The following TTC17 variants were observed in gnomAD, a reference collection of about 807,000 sequenced individuals.
The protein encoded by TTC17 is tetratricopeptide repeat domain 17.
TTC17 carries 58 observed loss-of-function variants against 143.8 expected under a neutral mutation model. The ratio of observed to expected loss-of-function variants is 0.40; its 90% confidence interval spans 0.33 to 0.50. The LOEUF is 0.50. TTC17 is among the 20% of genes least tolerant of loss of function. The pLI, the probability that TTC17 is intolerant of heterozygous loss-of-function variation, is 0.49. For synonymous variants in TTC17, 501 were observed against 497.8 expected, an observed-to-expected ratio of 1.01 and a Z score of -0.09; for missense variants, 1,273 against 1,392.5, an observed-to-expected ratio of 0.91 and a Z score of 1.37.
chr11:43,384,491 A>G (rs1384314216), intron 2 of TTC17, among the ~76,000 whole-genome samples: 1 of 152,142 alleles, frequency 6.6e-6, no homozygotes. Context: ...TGCTGTTTCT[A>G]CCAAAAATAG....
intron 2 of TTC17, among the ~76,000 whole-genome samples, chr11:43,384,335 A>G (rs904421850): frequency 6.6e-6 from 1 of 152,162 alleles, no homozygotes; most frequent in Non-Finnish European, 1.5e-5. Flanking sequence ...ATTTAGGAAT[A>G]TGGTTTCTTG....
At chr11:43,405,182 A>T (rs532825391) in intron 11 of TTC17, among the ~76,000 whole-genome samples, 2 of 150,852 alleles carry the variant, frequency 1.3e-5, no homozygotes, top group African/African-American at 4.9e-5. Context: ...GACAGCCAGC[A>T]GCAACTGGAA....
chr11:43,412,266 T>G (rs1441168918), intron 15 of TTC17, among the ~76,000 whole-genome samples: 1 of 152,092 alleles, frequency 6.6e-6, no homozygotes, highest in Non-Finnish European at 1.5e-5. Context: ...GGAGGATCGC[T>G]TGAGCCTAGG....
intron 15 of TTC17, among the ~76,000 whole-genome samples, chr11:43,410,752 T>G (rs1189574422): frequency 6.6e-6 from 1 of 152,206 alleles, no homozygotes; most frequent in Non-Finnish European, 1.5e-5. Context: ...CTGTTCCAAA[T>G]TTATTCTTCC....
chr11:43,422,438 G>A lies in TTC17; in HGVS notation c.2251+7662G>A, dbSNP rs117113130. ...AGATAATAATTTATGGGTCATGGAC[G>A]TATGTATTTTCTAAGTCATTAGCTT... On this transcript the variant is annotated intron_variant, in intron 16 of 23. Coordinates refer to ENST00000039989, the MANE Select transcript of TTC17 (RefSeq NM_018259.6). Among the ~76,000 whole-genome samples the A allele has an allele frequency of 6.6e-5, 10 of 152,228 alleles. No homozygotes were observed. The East Asian group carries it at 1.4e-3, about 21-fold the overall frequency.
At chr11:43,383,167 G>T (rs1274899005) in intron 2 of TTC17, among the ~76,000 whole-genome samples, 2 of 151,990 alleles carry the variant, frequency 1.3e-5, no homozygotes, top group African/African-American at 4.8e-5. Flanking sequence ...AAAGGGCTGG[G>T]ATTATAGGCA....
rs139032875 is a variant in TTC17, at chr11:43,405,596, C to G, written c.1562C>G (p.Thr521Arg). The G allele has an allele frequency of 1.9e-6, 3 of 1,613,862 alleles. No individual in the cohort carries two copies. The highest frequency in any genetic ancestry group is 2.5e-6 in the Non-Finnish European group (3 of 1,179,886). ...GTCCCTGTTGGTGGGGAATTGCCAA[C>G]GTATTTTCTGCCTCCGGAAAACAAA... ...PRVPVGGELPTYFLPPENKGL... is the reference protein window; with the variant it reads ...PRVPVGGELPRYFLPPENKGL... The change falls in exon 12 of 24, where the codon ACG (threonine) becomes AGG (arginine). Residue 521 changes from threonine (T) to arginine (R), a missense_variant. Around this residue, in one of 3 missense-constraint regions of TTC17, gnomAD observed 878 missense variants for 899.8 expected, o/e 0.98. Coordinates refer to ENST00000039989, the MANE Select transcript of TTC17 (RefSeq NM_018259.6).
At chr11:43,457,067 C>T (rs576978599) in intron 21 of TTC17, among the ~76,000 whole-genome samples, 23 of 152,180 alleles carry the variant, frequency 1.5e-4, no homozygotes, top group Middle Eastern at 6.8e-3. Flanking sequence ...AGGAAAAAGT[C>T]TTTTGGGCTG....
intron 21 of TTC17, among the ~76,000 whole-genome samples, chr11:43,487,989 G>C (rs1409897123): frequency 6.6e-6 from 1 of 152,152 alleles, no homozygotes; most frequent in Non-Finnish European, 1.5e-5. Context: ...TTGCTTTAAA[G>C]ACCTCCACAT....
In TTC17 at chr11:43,448,147, C is replaced by G. The variant is rs114454527; in HGVS notation, c.2786+25C>G. The G allele has an allele frequency of 1.1e-3, 1,825 of 1,612,812 alleles. 21 individuals carry two copies. In the African/African-American group the frequency reaches 0.021, roughly 19 times the overall value. On this transcript the variant is annotated intron_variant, in intron 19 of 23. Coordinates refer to ENST00000039989, the MANE Select transcript of TTC17 (RefSeq NM_018259.6). ...AGTAAGTATGTTAAGCCTCTCCCTC[C>G]TTTATGGCATTTGAGTCCCATTGAA... is the stretch of plus-strand genomic sequence containing the variant.
At chr11:43,467,906 C>T (rs1948010719) in intron 21 of TTC17, among the ~76,000 whole-genome samples, 1 of 151,384 alleles carries the variant, frequency 6.6e-6, no homozygotes, top group Non-Finnish European at 1.5e-5. Context: ...TACAGAATCC[C>T]AGGAGAAGAG....
chr11:43,377,788 A>C (rs1297144364), intron 1 of TTC17, among the ~76,000 whole-genome samples: 1 of 152,174 alleles, frequency 6.6e-6, no homozygotes, highest in Non-Finnish European at 1.5e-5. Context: ...TAAAGCTAAG[A>C]TTATGCTTTA....
intron 11 of TTC17, among the ~76,000 whole-genome samples, chr11:43,404,682 TCAC>T (rs1393427410): frequency 6.6e-6 from 1 of 152,200 alleles, no homozygotes; most frequent in African/African-American, 2.4e-5. Flanking sequence ...TGCTTTTTAT[TCAC>T]CATTAAATTT....
chr11:43,437,221 C>T (rs555444554), intron 16 of TTC17, among the ~76,000 whole-genome samples: 1 of 152,042 alleles, frequency 6.6e-6, no homozygotes, highest in East Asian at 1.9e-4. Context: ...CTTCTAATTT[C>T]TGTATTCCTG....
intron 21 of TTC17, among the ~76,000 whole-genome samples, chr11:43,478,591 T>G (rs577157362): frequency 9.2e-5 from 14 of 152,144 alleles, no homozygotes; most frequent in Admixed American, 1.3e-4. Context: ...GAGGGTTCAT[T>G]ATATTGTTTT....
chr11:43,404,249 A>G, intron 11 of TTC17, 105 bp downstream of exon 11: 2 of 1,102,614 alleles, frequency 1.8e-6, no homozygotes, highest in East Asian at 2.6e-5. Flanking sequence ...GACTGTTCAG[A>G]TTAGTTCAGC....
chr11:43,367,343 T>C (rs1007502746), intron 1 of TTC17, among the ~76,000 whole-genome samples: 4 of 152,196 alleles, frequency 2.6e-5, no homozygotes, highest in African/African-American at 9.7e-5. Flanking sequence ...TTTAGATATC[T>C]AAAAGGTCAA....
intron 21 of TTC17, among the ~76,000 whole-genome samples, chr11:43,458,976 T>C (rs947285263): frequency 6.9e-6 from 1 of 145,950 alleles, no homozygotes; most frequent in African/African-American, 2.5e-5. Context: ...TCGAATAGTT[T>C]GTATAAGGTT....
intron 18 of TTC17, among the ~76,000 whole-genome samples, chr11:43,447,096 G>C (rs1423442737): frequency 6.6e-6 from 1 of 152,086 alleles, no homozygotes. Flanking sequence ...AGGGTGGGAG[G>C]ATCACTTGAG....
Sources: allele counts gnomAD v4.1 joint callset (sites outside exome capture counted in the v4.1 genomes callset), GRCh38; gene constraint gnomAD v4.1.1; regional missense constraint gnomAD v4.1.1; transcripts MANE v1.5; gene names NCBI Gene and HGNC (gene_info 2026-07-23, HGNC 2026-07-21).